The following UFL1 variants were observed in gnomAD, a reference collection of about 807,000 sequenced individuals.
The protein encoded by UFL1 is UFM1 specific ligase 1.
In UFL1, 78 loss-of-function variants were observed where a neutral mutation model predicts 99.3. The ratio of observed to expected loss-of-function variants is 0.79; its 90% CI spans 0.65 to 0.95. The LOEUF is 0.95. UFL1 is among the 40% of genes least tolerant of loss of function. The probability of loss-of-function intolerance (pLI) is 0.00; values close to 1 mark genes in which losing one functional copy is unlikely to be tolerated. For synonymous variants in UFL1, 335 were observed against 322.2 expected (o/e 1.04, Z -0.42); for missense variants, 936 against 937.0 (o/e 1.00, Z 0.01).
intron 16 of UFL1, 65 bp downstream of exon 16, chr6:96,551,578 G>C: frequency 8.7e-7 from 1 of 1,149,350 alleles, no homozygotes; most frequent in Non-Finnish European, 1.2e-6. Context: ...TCTTTGAGTA[G>C]ATTTTTTTAT....
In UFL1 at chr6:96,553,507, T is replaced by C. The variant is rs372515271; in HGVS notation, c.*4T>C. ...ATCATCTGTGACGGAAGAGTAATGA[T>C]CTTAATTTACATTTGTCATATAGTA... On this transcript the variant is annotated 3_prime_UTR_variant, in exon 19 of 19. Transcript: ENST00000369278. 1.1e-5 allele frequency: 18 copies of C among 1,611,324 alleles called. No individual in the cohort carries two copies. The highest frequency in any genetic ancestry group is 4.2e-6 in the Non-Finnish European group (5 of 1,178,876).
At chr6:96,524,290 CTT>C (rs1417133687) in intron 2 of UFL1, 90 bp from the exon 3 acceptor site, 1 of 1,235,948 alleles carries the variant, frequency 8.1e-7, no homozygotes, top group East Asian at 2.5e-5. Flanking sequence ...CTATGCAGGA[CTT>C]TGACCAAAAC....
At position 96,534,289 on chromosome 6, in the gene UFL1, C is replaced by G; in HGVS notation, c.623C>G (p.Ser208Ter). The G allele has an allele frequency of 6.4e-7, 1 of 1,571,472 alleles. No homozygotes were observed. Among genetic ancestry groups the G allele is most frequent in the Non-Finnish European group, 8.6e-7 (1 of 1,162,422 alleles). ...TRPTAVNSLISKYGFQEQLLY... is the reference protein window; with the variant it reads ...TRPTAVNSLI ...CCTACAGCTGTGAATTCTTTGATTT[C>G]AAAATATGGATTTCAGGAGCAGCTT... The change falls in exon 7 of 19, where the codon TCA (serine) becomes TGA (stop). Residue 208 changes from serine (S) to a stop codon, truncating the protein, a stop_gained. Coordinates refer to ENST00000369278, the MANE Select transcript of UFL1 (RefSeq NM_015323.5). LOFTEE classifies it high-confidence loss of function.
In UFL1 at chr6:96,537,504, A is replaced by G. The variant is rs201921069; in HGVS notation, c.933A>G (p.Ala311=). 5.6e-6 allele frequency: 9 copies of G among 1,608,738 alleles called. No homozygotes were observed. The highest frequency in any genetic ancestry group is 2.2e-5 in the East Asian group (1 of 44,620). The change falls in exon 9 of 19, where the codon GCA becomes GCG. Residue 311 remains alanine (A), a synonymous_variant. Transcript: ENST00000369278. The part of the protein sequence containing the change: ...VGQGLVDQVE[A]SVEEAISSGT... ...AAGGACTTGTGGATCAAGTGGAAGC[A>G]TCAGTAGAAGAAGCCATCAGCTCTG...
chr6:96,534,421 G>C, intron 7 of UFL1, 100 bp downstream of exon 7: 1 of 917,538 alleles, frequency 1.1e-6, no homozygotes, highest in Admixed American at 3.6e-5. Context: ...TATTGTTAAT[G>C]TAACTAAAAT....
intron 8 of UFL1, among the ~76,000 whole-genome samples, chr6:96,536,874 C>G (rs767125433): frequency 2.0e-5 from 3 of 151,564 alleles, no homozygotes; most frequent in Non-Finnish European, 3.0e-5. Flanking sequence ...TATTAGTTAA[C>G]TAATACTTTG....
At chr6:96,547,668 C>T (rs960768236) in intron 12 of UFL1, among the ~76,000 whole-genome samples, 1 of 151,494 alleles carries the variant, frequency 6.6e-6, no homozygotes, top group Non-Finnish European at 1.5e-5. Flanking sequence ...TTTGCAGCAA[C>T]GTGGTTGGAA....
rs1053254356 is a variant in UFL1 at position 96,549,494 on chromosome 6, C to T, written c.1603C>T (p.Arg535Cys). 1.4e-5 allele frequency: 23 copies of T among 1,591,048 alleles called. No homozygotes were observed. The highest frequency in any genetic ancestry group is 5.7e-5 in the Admixed American group (3 of 52,498). ...TTSASGTGRK[R>C]TIKDLQEEVS... Reference sequence around the variant, plus strand: ...TTCTGCTTCTGGGACGGGCAGAAAACGCACAATCAAGGACTTGCAAGAAGA... The same window carrying T: ...TTCTGCTTCTGGGACGGGCAGAAAATGCACAATCAAGGACTTGCAAGAAGA... Residue 535 changes from arginine to cysteine, a missense_variant, in exon 14 of 19, where the codon CGC becomes TGC. Physicochemically the swap from Arg to Cys is radical, Grantham distance 180. Coordinates refer to ENST00000369278, the MANE Select transcript of UFL1 (RefSeq NM_015323.5).
chr6:96,541,009 C>A (rs1286088055), intron 11 of UFL1, among the ~76,000 whole-genome samples: 1 of 151,234 alleles, frequency 6.6e-6, no homozygotes, highest in Non-Finnish European at 1.5e-5. Context: ...AGCTTTTACA[C>A]CAACTGTTCC....
Position 96,537,383 on chromosome 6 carries a change from C to A in UFL1, c.812C>A (p.Ala271Asp). 1 of 1,564,428 alleles carries A rather than the reference C, an allele frequency of 6.4e-7. No individual in the cohort carries two copies. ...FRQNGYLEFD[A>D]LSRLGIPDAV... ...TGTGATATATTTGTAGAATTTGATG[C>A]TTTGTCCAGACTTGGAATCCCAGAT... is the stretch of plus-strand genomic sequence containing the variant. The change falls in exon 9 of 19, where the codon GCT (alanine) becomes GAT (aspartate). Residue 271 changes from alanine (A) to aspartate (D), a missense_variant. Coordinates refer to ENST00000369278, the MANE Select transcript of UFL1 (RefSeq NM_015323.5).
intron 5 of UFL1, 130 bp from the exon 6 acceptor site, chr6:96,528,372 A>C: frequency 1.1e-5 from 12 of 1,084,186 alleles, no homozygotes; most frequent in Non-Finnish European, 1.6e-5. Flanking sequence ...CTTGTAATCT[A>C]TGCTTGTTGA....
chr6:96,523,073 T>C (rs1769642979), intron 1 of UFL1, 73 bp from the exon 2 acceptor site: 1 of 1,422,378 alleles, frequency 7.0e-7, no homozygotes, highest in Admixed American at 2.5e-5. Context: ...CCTGTTTTCA[T>C]ACATTGTATT....
intron 4 of UFL1, 95 bp from the exon 5 acceptor site, chr6:96,526,226 C>A: frequency 2.1e-6 from 2 of 941,822 alleles, no homozygotes; most frequent in South Asian, 1.6e-5. Context: ...ACTTTTGGGG[C>A]ATACTTCATT....
chr6:96,552,588 A>G lies in UFL1; in HGVS notation c.2092A>G (p.Thr698Ala), dbSNP rs775829840. 4.3e-6 allele frequency: 7 copies of G among 1,613,348 alleles called. No individual in the cohort carries two copies. In the South Asian group the frequency reaches 6.6e-5, roughly 15 times the overall value. The change falls in exon 18 of 19, where the codon ACC becomes GCC. Residue 698 changes from threonine to alanine, a missense_variant. Thr to Ala is a moderately conservative substitution (Grantham distance 58, BLOSUM62 0). Coordinates refer to ENST00000369278, the MANE Select transcript of UFL1 (RefSeq NM_015323.5). Reference sequence around the variant, plus strand: ...ATCAGTCCTGTTGTTTCAGTTTTCAACCCACAGCATGCTCCATGCACCTGG... The same window carrying G: ...ATCAGTCCTGTTGTTTCAGTTTTCAGCCCACAGCATGCTCCATGCACCTGG... ...LTSVLLFQFS[T>A]HSMLHAPGRC... is the part of the protein sequence containing the mutation.
chr6:96,521,810 T>C lies in UFL1; in HGVS notation c.-64T>C. The C allele has an allele frequency of 6.5e-7, 1 of 1,546,526 alleles. No individual in the cohort carries two copies. Among genetic ancestry groups the C allele is most frequent in the Non-Finnish European group, 8.7e-7 (1 of 1,143,806 alleles). On this transcript the variant is annotated 5_prime_UTR_variant, in exon 1 of 19. Coordinates refer to ENST00000369278, the MANE Select transcript of UFL1 (RefSeq NM_015323.5). Reference sequence around the variant, plus strand: ...TCTGCGCGGCCCGTTCCGCCTCTCTTCTCCCACCGCCTGTCGGCTGACGTG... The same window carrying C: ...TCTGCGCGGCCCGTTCCGCCTCTCTCCTCCCACCGCCTGTCGGCTGACGTG...
rs780202237 is a variant in UFL1, at chr6:96,540,596, T to C, written c.1220T>C (p.Leu407Ser). Reference sequence around the variant, plus strand: ...GAAGATCTGAAACAAATCTCCACTTTAGAAAGCGTTAGTACAAGTAAAAAG... The same window carrying C: ...GAAGATCTGAAACAAATCTCCACTTCAGAAAGCGTTAGTACAAGTAAAAAG... ...TEEDLKQIST[L>S]ESVSTSKKDK... The change falls in exon 11 of 19, where the codon TTA becomes TCA. Residue 407 changes from leucine (L) to serine (S), a missense_variant. Leu to Ser is a moderately radical substitution (Grantham distance 145, BLOSUM62 -2). Coordinates refer to ENST00000369278, the MANE Select transcript of UFL1 (RefSeq NM_015323.5). 52 of 1,607,484 alleles carry C rather than the reference T, an allele frequency of 3.2e-5. No individual in the cohort carries two copies. The highest frequency in any genetic ancestry group is 4.2e-5 in the Non-Finnish European group (50 of 1,176,630).
chr6:96,522,398 C>T (rs948826238), intron 1 of UFL1, among the ~76,000 whole-genome samples: 1 of 152,126 alleles, frequency 6.6e-6, no homozygotes, highest in African/African-American at 2.4e-5. Context: ...AAACTTCTTG[C>T]CCTTTTATCT....
chr6:96,546,315 T>A (rs1042523574), intron 12 of UFL1, among the ~76,000 whole-genome samples: 12 of 143,408 alleles, frequency 8.4e-5, no homozygotes. Context: ...ACCAAAGAAA[T>A]AGAAGATCTC....
chr6:96,543,082 G>A, intron 12 of UFL1, 66 bp downstream of exon 12: 1 of 1,515,252 alleles, frequency 6.6e-7, no homozygotes, highest in Non-Finnish European at 8.8e-7. Context: ...TTCTTAAGAT[G>A]TATATAATTA....
Sources: gnomAD v4.1 joint callset for allele counts (sites outside exome capture counted in the v4.1 genomes callset) on GRCh38, gnomAD v4.1.1 for gene constraint, MANE v1.5 for transcripts, NCBI Gene and HGNC (gene_info 2026-07-23, HGNC 2026-07-21) for gene names.